The following CPT1B variants were observed in gnomAD, a reference collection of about 807,000 sequenced individuals.
CPT1B encodes the protein carnitine O-palmitoyltransferase 1, muscle isoform.
In CPT1B, 57 loss-of-function variants were observed where a neutral mutation model predicts 92.7. The ratio of observed to expected loss-of-function variants is 0.62; its 90% CI spans 0.50 to 0.77. CPT1B has a LOEUF of 0.77. Ranked by LOEUF, CPT1B falls within the 30% of genes least tolerant of loss-of-function variation. The probability of loss-of-function intolerance (pLI) is 0.00; values close to 1 mark genes in which losing one functional copy is unlikely to be tolerated. For synonymous variants in CPT1B, 398 were observed against 383.5 expected (o/e 1.04, Z -0.44); for missense variants, 983 against 1,017.4 (o/e 0.97, Z 0.46).
rs546046921 is a variant in CPT1B at position 50,572,942 on chromosome 22, C to G, written c.1285G>C (p.Asp429His). The G allele has an allele frequency of 4.3e-6, 7 of 1,613,844 alleles. No homozygotes were observed. The East Asian group carries it at 1.6e-4, about 36-fold the overall frequency. ...VALDEESYSY[D>H]PEDEASLSLY... ...CTGAGGCTGGCCTCATCTTCGGGGT[C>G]ATAGGAGTAGGATTCCTCATCCAGG... Residue 429 changes from aspartate to histidine, a missense_variant, in exon 11 of 20, where the codon GAC (aspartate) becomes CAC (histidine). Coordinates refer to ENST00000312108, the MANE Select transcript of CPT1B (RefSeq NM_152246.3).
Position 50,573,263 on chromosome 22 carries a change from G to T in CPT1B, c.1167-203C>A, listed in dbSNP as rs2070271162. Among the ~76,000 whole-genome samples the T allele has an allele frequency of 6.7e-6, 1 of 149,970 alleles. No individual in the cohort carries two copies. The highest frequency in any genetic ancestry group is 2.5e-5 in the African/African-American group (1 of 40,750). ...GTGCCAGGCTGCGCCTGGAGGTGGG[G>T]GTGTGTGTGCCAGGCTGGGCCTGGA... On this transcript the variant is annotated intron_variant, in intron 10 of 19. Transcript: ENST00000312108. The surrounding 1 kb of genome is among the most constrained non-coding windows in gnomAD (Gnocchi z 5.0).
chr22:50,572,844 G>A (rs749072574), intron 11 of CPT1B, 31 bp downstream of exon 11: 6 of 1,591,608 alleles, frequency 3.8e-6, no homozygotes, highest in African/African-American at 2.7e-5. Flanking sequence ...TTAACCTTAA[G>A]CTGTAACCTG....
chr22:50,574,736 G>C, intron 7 of CPT1B, 136 bp from the exon 8 acceptor site: 1 of 670,500 alleles, frequency 1.5e-6, no homozygotes, highest in Non-Finnish European at 2.7e-6. Flanking sequence ...ACATGCTGCC[G>C]GGGTGAACCT....
chr22:50,573,808 CCT>C lies in CPT1B; in HGVS notation c.971-95_971-94del, dbSNP rs2070304885. On this transcript the variant is annotated intron_variant, in intron 9 of 19. Coordinates refer to ENST00000312108, the MANE Select transcript of CPT1B (RefSeq NM_152246.3). This position sits in a 1 kb window ranked among gnomAD's most constrained non-coding sequence, Gnocchi z 5.0. ...CATGCACTAGGTGACCCCTGCAGAC[CCT>C]GTTTTGCTCGGCCTCTGCCTGGGCC... 2.5e-6 allele frequency: 3 copies of C among 1,202,796 alleles called. No individual in the cohort carries two copies. The highest frequency in any genetic ancestry group is 1.5e-5 in the African/African-American group (1 of 66,248). 74.5% of individuals were successfully genotyped at this position (1,202,796 alleles called of 1,614,324 possible). A position where few individuals can be genotyped will look rare whatever the true frequency, so the allele number is the denominator to read the frequency against.
At position 50,571,159 on chromosome 22, in the gene CPT1B, G is replaced by A. The variant is rs768981014; in HGVS notation, c.1874C>T (p.Thr625Ile). ...FVQAMMEGSH[T>I]KADLRDLFQK... ...CCCACATGGGCAGAGGACACTTACT[G>A]TGTGGGACCCCTCCATCATGGCCTG... Residue 625 changes from threonine to isoleucine, a missense_variant and splice_region_variant, in exon 15 of 20, where the codon ACA (threonine) becomes ATA (isoleucine). Physicochemically the swap from Thr to Ile is moderately conservative, Grantham distance 89 (BLOSUM62 -1). Coordinates refer to ENST00000312108, the MANE Select transcript of CPT1B (RefSeq NM_152246.3). 2 of 1,614,130 alleles carry A rather than the reference G, an allele frequency of 1.2e-6. No individual in the cohort carries two copies. The highest frequency in any genetic ancestry group is 1.7e-6 in the Non-Finnish European group (2 of 1,180,006).
At chr22:50,571,807 C>A in intron 13 of CPT1B, 199 bp downstream of exon 13, 1 of 673,120 alleles carries the variant, frequency 1.5e-6, no homozygotes, top group Non-Finnish European at 2.6e-6. Context: ...ACACAGATGG[C>A]CCCAGGGGCG....
chr22:50,571,207 G>T lies in CPT1B; in HGVS notation c.1826C>A (p.Thr609Asn), dbSNP rs748040203. 3.7e-6 allele frequency: 6 copies of T among 1,614,156 alleles called. No homozygotes were observed. Among genetic ancestry groups the T allele is most frequent in the Non-Finnish European group, 5.1e-6 (6 of 1,180,034 alleles). ...EGRTETVRSCTSESTAFVQAM... is the reference protein window; with the variant it reads ...EGRTETVRSCNSESTAFVQAM... ...CTGCACAAAGGCTGTGGACTCGCTG[G>T]TACAGGAACGCACAGTCTCAGTCCG... The change falls in exon 15 of 20, where the codon ACC (threonine) becomes AAC (asparagine). Residue 609 changes from threonine to asparagine, a missense_variant. Coordinates refer to ENST00000312108, the MANE Select transcript of CPT1B (RefSeq NM_152246.3).
At position 50,573,956 on chromosome 22, in the gene CPT1B, C is replaced by G. The variant is rs777098890; in HGVS notation, c.971-241G>C. On this transcript the variant is annotated intron_variant, in intron 9 of 19. Transcript: ENST00000312108. The surrounding 1 kb of genome is among the most constrained non-coding windows in gnomAD (Gnocchi z 5.0). Reference sequence around the variant, plus strand: ...ATTTCACAGAAGAGGAAACGACGCACTAGAGGGTTGTGCAAACCGCCTAAG... The same window carrying G: ...ATTTCACAGAAGAGGAAACGACGCAGTAGAGGGTTGTGCAAACCGCCTAAG... The G allele has an allele frequency of 4.4e-5, 31 of 706,948 alleles. No individual in the cohort carries two copies. The highest frequency in any genetic ancestry group is 7.0e-5 in the African/African-American group (4 of 57,116). 43.8% of individuals were successfully genotyped at this position (706,948 alleles called of 1,614,324 possible). A position where few individuals can be genotyped will look rare whatever the true frequency, so the allele number is the denominator to read the frequency against.
chr22:50,572,990 C>T lies in CPT1B; in HGVS notation c.1237G>A (p.Glu413Lys), dbSNP rs745702877. 6.4e-5 allele frequency: 104 copies of T among 1,613,500 alleles called. No homozygotes were observed. The highest frequency in any genetic ancestry group is 8.1e-5 in the Non-Finnish European group (96 of 1,179,826). ...AGGGCCACGAAGAAAGCGGCACGCT[C>T]GATGGCCTCCAAGGCAGCCTTATTC... is the stretch of plus-strand genomic sequence containing the variant. ...GKNKAALEAI[E>K]RAAFFVALDE... The change falls in exon 11 of 20, where the codon GAG (glutamate) becomes AAG (lysine). Residue 413 changes from glutamate (E) to lysine (K), a missense_variant. Coordinates refer to ENST00000312108, the MANE Select transcript of CPT1B (RefSeq NM_152246.3).
intron 11 of CPT1B, 73 bp downstream of exon 11, chr22:50,572,802 T>A: frequency 6.6e-7 from 1 of 1,507,132 alleles, no homozygotes; most frequent in Admixed American, 1.8e-5. Flanking sequence ...TACCTTCTTT[T>A]ATCTTTAATC....
chr22:50,571,504 G>A lies in CPT1B; in HGVS notation c.1611C>T (p.Ala537=), dbSNP rs1231438579. Residue 537 remains alanine, a synonymous_variant, in exon 14 of 20, where the codon GCC becomes GCT. Coordinates refer to ENST00000312108, the MANE Select transcript of CPT1B (RefSeq NM_152246.3). The stretch of plus-strand genomic sequence containing the variant: ...ACTCCACGTCGTCTGCCAACGCCTT[G>A]GCCACCTGGTAGGAACTCTCGATGA... ...QAVIESSYQV[A]KALADDVELY... is the part of the protein sequence containing the mutation. 6.2e-7 allele frequency: 1 copy of A among 1,613,408 alleles called. No individual in the cohort carries two copies. Among genetic ancestry groups the A allele is most frequent in the South Asian group, 1.1e-5 (1 of 91,080 alleles).
In CPT1B at chr22:50,573,952, C is replaced by T. The variant is rs12627787; in HGVS notation, c.971-237G>A. 67,512 of 706,872 alleles carry T rather than the reference C, an allele frequency of 0.096. 5,665 individuals carry two copies. The highest frequency in any genetic ancestry group is 0.38 in the East Asian group (13,606 of 36,268). The allele number at this position is 706,872 out of a possible 1,614,324, so 43.8% of individuals were successfully genotyped here. On this transcript the variant is annotated intron_variant, in intron 9 of 19. Transcript: ENST00000312108. This position sits in a 1 kb window ranked among gnomAD's most constrained non-coding sequence, Gnocchi z 5.0. ...AAGTATTTCACAGAAGAGGAAACGA[C>T]GCACTAGAGGGTTGTGCAAACCGCC... is the stretch of plus-strand genomic sequence containing the variant.
Position 50,570,392 on chromosome 22 carries a change from G to A in CPT1B, c.2043C>T (p.Pro681=). The A allele has an allele frequency of 6.2e-7, 1 of 1,600,860 alleles. No homozygotes were observed. The change falls in exon 17 of 20, where the codon CCC becomes CCT. Residue 681 remains proline, a synonymous_variant. Transcript: ENST00000312108. ...SPFLAEVLSE[P]WRLSTSQIPQ... The stretch of plus-strand genomic sequence containing the variant: ...GGATCTGGCTGGTGGAGAGACGCCA[G>A]GGTTCCGAGAGCACCTGCAATGGAG...
At position 50,574,574 on chromosome 22, in the gene CPT1B, G is replaced by A. The variant is rs17848457; in HGVS notation, c.804C>T (p.Asp268=). ...TGTTTCCCAGGCGGGCTGCCTGCAC[G>A]TCTGTATTCTTGATGAGCACAAGGT... ...VMDLVLIKNT[D]VQAARLGNII... The change falls in exon 8 of 20, where the codon GAC becomes GAT. Residue 268 remains aspartate, a synonymous_variant. Coordinates refer to ENST00000312108, the MANE Select transcript of CPT1B (RefSeq NM_152246.3). 1,825 of 1,614,082 alleles carry A rather than the reference G, an allele frequency of 1.1e-3. 26 individuals carry two copies. The East Asian group carries it at 0.027, about 24-fold the overall frequency.
At chr22:50,571,897 TG>T in intron 13 of CPT1B, 108 bp downstream of exon 13, 2 of 1,062,946 alleles carry the variant, frequency 1.9e-6, no homozygotes, top group South Asian at 1.4e-5. Context: ...TCCCGAGGGC[TG>T]GGCCAGGCAG....
intron 17 of CPT1B, among the ~76,000 whole-genome samples, chr22:50,569,995 A>G (rs1189928049): frequency 6.6e-6 from 1 of 152,194 alleles, no homozygotes; most frequent in Non-Finnish European, 1.5e-5. Context: ...CTCTTGGATA[A>G]GTAGACTTCA....
Position 50,573,830 on chromosome 22 carries a change from T to A in CPT1B, c.971-115A>T. ...GACCCTGTTTTGCTCGGCCTCTGCC[T>A]GGGCCTTCCTGCCCCCTGGATGGGA... On this transcript the variant is annotated intron_variant, in intron 9 of 19. Transcript: ENST00000312108. The surrounding 1 kb of genome is among the most constrained non-coding windows in gnomAD (Gnocchi z 5.0). 1.1e-6 allele frequency: 1 copy of A among 908,476 alleles called. No homozygotes were observed. The highest frequency in any genetic ancestry group is 1.8e-6 in the Non-Finnish European group (1 of 560,940). 56.3% of individuals were successfully genotyped at this position (908,476 alleles called of 1,614,324 possible). A position where few individuals can be genotyped will look rare whatever the true frequency, so the allele number is the denominator to read the frequency against.
chr22:50,570,876 A>C lies in CPT1B; in HGVS notation c.2028+15T>G. Reference sequence around the variant, plus strand: ...GGGCAGTGGGACAAAGGACACACCCAACAACGGTGCTGACCTCAGCAAGGA... The same window carrying C: ...GGGCAGTGGGACAAAGGACACACCCCACAACGGTGCTGACCTCAGCAAGGA... On this transcript the variant is annotated intron_variant, in intron 16 of 19. Transcript: ENST00000312108. 1 of 1,612,210 alleles carries C rather than the reference A, an allele frequency of 6.2e-7. No homozygotes were observed. Among genetic ancestry groups the C allele is most frequent in the Non-Finnish European group, 8.5e-7 (1 of 1,179,136 alleles).
At chr22:50,571,943 G>T in intron 13 of CPT1B, 63 bp downstream of exon 13, 1 of 1,473,678 alleles carries the variant, frequency 6.8e-7, no homozygotes, top group Non-Finnish European at 9.4e-7. Context: ...CTCAGGCCTC[G>T]TCGGGGCTGT....
Sources: gnomAD v4.1 joint callset for allele counts (sites outside exome capture counted in the v4.1 genomes callset) on GRCh38, gnomAD v4.1.1 for gene constraint, Gnocchi (gnomAD v3.1) non-coding constraint, MANE v1.5 for transcripts, NCBI Gene and HGNC (gene_info 2026-07-23, HGNC 2026-07-21) for gene names.